The following MYO5C variants were observed in gnomAD, a reference collection of about 807,000 sequenced individuals.
MYO5C encodes myosin VC, also known as unconventional myosin-Vc.
MYO5C carries 194 observed loss-of-function variants against 235.7 expected under a neutral mutation model. The ratio of observed to expected loss-of-function variants is 0.82; its 90% CI spans 0.73 to 0.93. The LOEUF (loss-of-function observed/expected upper bound fraction) is 0.93. MYO5C is among the 40% of genes least tolerant of loss of function. The pLI, the probability that MYO5C is intolerant of heterozygous loss-of-function variation, is 0.00. For missense variants in MYO5C, 2,038 were observed against 2,127.2 expected (o/e 0.96, Z 0.82); for synonymous variants, 707 against 754.8 (o/e 0.94, Z 1.04).
chr15:52,262,325 GTCAA>G, intron 9 of MYO5C, among the ~76,000 whole-genome samples: 1 of 152,310 alleles, frequency 6.6e-6, no homozygotes, highest in South Asian at 2.1e-4. Flanking sequence ...AGGATTTTCA[GTCAA>G]TCAATTTTAA....
chr15:52,260,953 G>C lies in MYO5C; in HGVS notation c.1222C>G (p.His408Asp). The C allele has an allele frequency of 6.2e-7, 1 of 1,614,222 alleles. No individual in the cohort carries two copies. Among genetic ancestry groups the C allele is most frequent in the Non-Finnish European group, 8.5e-7 (1 of 1,180,038 alleles). ...CTCTCCACAATGAAGTCGAACAGGTGAGCATAGATCTTTTTGGCCAGTGCA... is the reference window on the plus strand; with the variant it reads ...CTCTCCACAATGAAGTCGAACAGGTCAGCATAGATCTTTTTGGCCAGTGCA... ...RDALAKKIYA[H>D]LFDFIVERIN... is the part of the protein sequence containing the mutation. The change falls in exon 10 of 41, where the codon CAC (histidine) becomes GAC (aspartate). Residue 408 changes from histidine to aspartate, a missense_variant. Physicochemically the swap from His to Asp is moderately conservative, Grantham distance 81. Transcript: ENST00000261839.
At chr15:52,278,404 C>T (rs1231940086) in intron 4 of MYO5C, among the ~76,000 whole-genome samples, 1 of 152,028 alleles carries the variant, frequency 6.6e-6, no homozygotes, top group Admixed American at 6.6e-5. Flanking sequence ...CATACATGTG[C>T]ACTAGTGAAA....
At chr15:52,291,690 AGTGATATG>A (rs2037389910) in intron 1 of MYO5C, among the ~76,000 whole-genome samples, 1 of 147,404 alleles carries the variant, frequency 6.8e-6, no homozygotes, top group South Asian at 2.1e-4. Flanking sequence ...ATCTTTAGGC[AGTGATATG>A]TGTGGTCTTT....
At chr15:52,250,684 CAT>C (rs1287131889) in intron 13 of MYO5C, among the ~76,000 whole-genome samples, 5 of 152,196 alleles carry the variant, frequency 3.3e-5, no homozygotes, top group African/African-American at 1.2e-4. Context: ...CTGCGATAAA[CAT>C]AGACAAGCAC....
At chr15:52,246,854 T>C (rs2036358721) in intron 16 of MYO5C, 63 bp downstream of exon 16, 1 of 1,390,992 alleles carries the variant, frequency 7.2e-7, no homozygotes, top group African/African-American at 1.4e-5. Context: ...AAGCAAATTC[T>C]CCAACTTTAT....
At chr15:52,256,298 A>G (rs2140814417) in intron 11 of MYO5C, among the ~76,000 whole-genome samples, 1 of 152,264 alleles carries the variant, frequency 6.6e-6, no homozygotes, top group Admixed American at 6.5e-5. Flanking sequence ...GTTAAGGCAG[A>G]GAAAGCAGCA....
At chr15:52,285,494 G>C (rs947875879) in intron 1 of MYO5C, among the ~76,000 whole-genome samples, 1 of 143,000 alleles carries the variant, frequency 7.0e-6, no homozygotes, top group African/African-American at 2.6e-5. Flanking sequence ...CCTCCTCTCC[G>C]TCCTCTCCCT....
intron 38 of MYO5C, among the ~76,000 whole-genome samples, chr15:52,198,715 G>A (rs2035113556): frequency 6.6e-6 from 1 of 151,886 alleles, no homozygotes; most frequent in African/African-American, 2.4e-5. Context: ...CCGAGTAGGT[G>A]GGACTACAGG....
In MYO5C at chr15:52,275,601, G is replaced by A. The variant is rs765230377; in HGVS notation, c.567C>T (p.His189=). Residue 189 remains histidine, a synonymous_variant, in exon 5 of 41, where the codon CAC becomes CAT. Transcript: ENST00000261839. ...ATVSKSGSNA[H]VEDKVLASNP... The stretch of plus-strand genomic sequence containing the variant: ...TGGATGCCAGGACCTTGTCTTCCAC[G>A]TGAGCGTTGCTGCCCGATTTGCTGA... 9 of 1,614,210 alleles carry A rather than the reference G, an allele frequency of 5.6e-6. No individual in the cohort carries two copies. Among genetic ancestry groups the A allele is most frequent in the South Asian group, 5.5e-5 (5 of 91,082 alleles).
intron 6 of MYO5C, among the ~76,000 whole-genome samples, chr15:52,272,282 TCAAA>T (rs2036940577): frequency 6.6e-6 from 1 of 152,220 alleles, no homozygotes; most frequent in African/African-American, 2.4e-5. Context: ...TTAGCCTATT[TCAAA>T]CAGTTTTCGT....
At chr15:52,242,512 C>T in intron 19 of MYO5C, 1 of 284,634 alleles carries the variant, frequency 3.5e-6, no homozygotes, top group Non-Finnish European at 6.7e-6. Context: ...CTTGCTCAAT[C>T]ACGTACTATT....
In MYO5C at chr15:52,272,680, C is replaced by CGTGTAGTCCCAAT. The variant is rs751624852; in HGVS notation, c.649_650insATTGGGACTACAC (p.Arg217HisfsTer15). 1.2e-6 allele frequency: 2 copies of CGTGTAGTCCCAAT among 1,614,024 alleles called. No homozygotes were observed. The highest frequency in any genetic ancestry group is 1.7e-6 in the Non-Finnish European group (2 of 1,179,942). On this transcript the variant is annotated frameshift_variant, in exon 6 of 41. Transcript: ENST00000261839. LOFTEE classifies it high-confidence loss of function. ...ACTGATTTCTGTGTATTTCCCAAAC[C>CGTGTAGTCCCAAT]GACTACTATTGTCATTGCGGGTGGT...
chr15:52,213,863 C>T (rs2035501143), intron 33 of MYO5C, among the ~76,000 whole-genome samples: 2 of 152,166 alleles, frequency 1.3e-5, no homozygotes, highest in South Asian at 4.1e-4. Context: ...AGACCTGGGC[C>T]CTGCTCTCAT....
rs1044059776 is a variant in MYO5C at position 52,220,639 on chromosome 15, C to T, written c.3721+523G>A. On this transcript the variant is annotated intron_variant, in intron 30 of 40. Coordinates refer to ENST00000261839, the MANE Select transcript of MYO5C (RefSeq NM_018728.4). ...CTCAAGACCAACCTGGCCAACATGG[C>T]GAAACCCCATCTCTACTAAAAATAC... is the stretch of plus-strand genomic sequence containing the variant. Among the ~76,000 whole-genome samples, 10 of 148,942 alleles carry T rather than the reference C, an allele frequency of 6.7e-5. 1 individual carries two copies. The highest frequency in any genetic ancestry group is 2.5e-4 in the African/African-American group (10 of 40,026).
chr15:52,218,569 C>T lies in MYO5C; in HGVS notation c.3904G>A (p.Val1302Ile). The T allele has an allele frequency of 6.2e-7, 1 of 1,614,246 alleles. No individual in the cohort carries two copies. The highest frequency in any genetic ancestry group is 8.5e-7 in the Non-Finnish European group (1 of 1,180,046). ...LKKQFETESEVKCNFRQEASR... is the reference protein window; with the variant it reads ...LKKQFETESEIKCNFRQEASR... ...GCTTCCTGCCGGAAGTTACACTTGA[C>T]TTCACTTTCAGTTTCAAATTGTTTC... The change falls in exon 32 of 41, where the codon GTC (valine) becomes ATC (isoleucine). Residue 1302 changes from valine (V) to isoleucine (I), a missense_variant. Coordinates refer to ENST00000261839, the MANE Select transcript of MYO5C (RefSeq NM_018728.4).
chr15:52,288,358 A>G (rs2037320061), intron 1 of MYO5C, among the ~76,000 whole-genome samples: 3 of 152,194 alleles, frequency 2.0e-5, no homozygotes, highest in Admixed American at 2.0e-4. Flanking sequence ...GATTGGTTTC[A>G]GCTAAAAGTG....
chr15:52,267,981 C>T (rs2036847276), intron 8 of MYO5C, among the ~76,000 whole-genome samples: 1 of 152,192 alleles, frequency 6.6e-6, no homozygotes. Flanking sequence ...TAATTATTTT[C>T]AGCAAATGTA....
chr15:52,231,178 G>A (rs1164084770), intron 24 of MYO5C, among the ~76,000 whole-genome samples: 1 of 152,190 alleles, frequency 6.6e-6, no homozygotes, highest in East Asian at 1.9e-4. Flanking sequence ...AGCTGGTCAG[G>A]AGGGTGCCCA....
chr15:52,207,366 G>T (rs1356551372), intron 36 of MYO5C, among the ~76,000 whole-genome samples: 1 of 152,194 alleles, frequency 6.6e-6, no homozygotes, highest in African/African-American at 2.4e-5. Flanking sequence ...AAACGGACTA[G>T]TCTGTGCCTC....
Sources: gnomAD v4.1 joint callset for allele counts (sites outside exome capture counted in the v4.1 genomes callset) on GRCh38, gnomAD v4.1.1 for gene constraint, MANE v1.5 for transcripts, NCBI Gene and HGNC (gene_info 2026-07-23, HGNC 2026-07-21) for gene names.